SEM1: variants seen among roughly 807,000 people sequenced by gnomAD.
SEM1 encodes 26S proteasome complex subunit SEM1.
Under a neutral mutation model 12.7 loss-of-function variants are expected in SEM1, and 3 were observed. The observed-to-expected ratio is 0.24, with a 90% CI of 0.11 to 0.61. SEM1 has a LOEUF of 0.61. SEM1 is among the 20% of genes least tolerant of loss of function. SEM1 has a pLI of 0.88. For synonymous variants in SEM1, 30 were observed against 27.8 expected (o/e 1.08, Z -0.25); for missense variants, 59 against 81.3 (o/e 0.73, Z 1.06).
intron 2 of SEM1, among the ~76,000 whole-genome samples, chr7:96,570,592 C>T (rs1000202394): frequency 6.6e-6 from 1 of 152,098 alleles, no homozygotes; most frequent in Admixed American, 6.6e-5. Flanking sequence ...TCCAGTCTAT[C>T]GTTGATGGGC....
chr7:96,555,583 A>G (rs1277302567), intron 2 of SEM1, among the ~76,000 whole-genome samples: 72 of 138,802 alleles, frequency 5.2e-4, no homozygotes, highest in Non-Finnish European at 9.4e-4. Context: ...GTTCTTTTAC[A>G]TTTGCTGAGG....
At chr7:96,496,193 A>G in intron 1 of SEM1, 1 of 772,418 alleles carries the variant, frequency 1.3e-6, no homozygotes, top group Non-Finnish European at 2.1e-6. Context: ...AGTTAAAATC[A>G]TCGTCATAGT....
At chr7:96,612,520 A>G (rs1807570770) in intron 2 of SEM1, among the ~76,000 whole-genome samples, 1 of 152,188 alleles carries the variant, frequency 6.6e-6, no homozygotes, top group Non-Finnish European at 1.5e-5. Flanking sequence ...CATCAGAATA[A>G]CCTTGTAATT....
chr7:96,491,753 A>G (rs1043313083), intron 1 of SEM1, among the ~76,000 whole-genome samples: 13 of 152,232 alleles, frequency 8.5e-5, no homozygotes, highest in African/African-American at 2.9e-4. Flanking sequence ...CTGGCATGCA[A>G]GATGCACAGT....
At chr7:96,485,446 C>T (rs1243165526) in intron 2 of SEM1, among the ~76,000 whole-genome samples, 1 of 151,824 alleles carries the variant, frequency 6.6e-6, no homozygotes, top group Non-Finnish European at 1.5e-5. Context: ...CTCCTACTCA[C>T]TCTGAGCCTC....
chr7:96,665,724 C>T (rs1473939031), intron 2 of SEM1, among the ~76,000 whole-genome samples: 4 of 152,164 alleles, frequency 2.6e-5, no homozygotes, highest in Admixed American at 6.5e-5. Flanking sequence ...AGGTCTGGGT[C>T]CCATTCCTAG....
At chr7:96,563,979 T>A (rs1302811333) in intron 2 of SEM1, among the ~76,000 whole-genome samples, 1 of 152,110 alleles carries the variant, frequency 6.6e-6, no homozygotes, top group African/African-American at 2.4e-5. Context: ...CATACAGGTT[T>A]TATTAGCCTC....
intron 2 of SEM1, among the ~76,000 whole-genome samples, chr7:96,516,745 A>G (rs543327204): frequency 6.6e-6 from 1 of 152,322 alleles, no homozygotes; most frequent in African/African-American, 2.4e-5. Flanking sequence ...TATCTAAAGG[A>G]GTTGAAAACT....
intron 2 of SEM1, among the ~76,000 whole-genome samples, chr7:96,580,458 G>A (rs1351540192): frequency 6.6e-6 from 1 of 151,300 alleles, no homozygotes; most frequent in Non-Finnish European, 1.5e-5. Context: ...ATAGCAGCAT[G>A]ATTTATAGTC....
At chr7:96,527,973 T>C (rs1433082600) in intron 2 of SEM1, among the ~76,000 whole-genome samples, 1 of 152,168 alleles carries the variant, frequency 6.6e-6, no homozygotes, top group Non-Finnish European at 1.5e-5. Context: ...TAGGAATATG[T>C]ATGGTTCATG....
intron 2 of SEM1, among the ~76,000 whole-genome samples, chr7:96,610,015 A>G (rs144156262): frequency 1.3e-5 from 2 of 152,260 alleles, no homozygotes; most frequent in African/African-American, 4.8e-5. Context: ...CCAGTTAAAG[A>G]GCTTTCCCAG....
At chr7:96,590,936 A>C (rs534499579) in intron 2 of SEM1, among the ~76,000 whole-genome samples, 3 of 152,230 alleles carry the variant, frequency 2.0e-5, no homozygotes, top group Non-Finnish European at 4.4e-5. Flanking sequence ...ACCCCAAGCC[A>C]GTGGTGAAAA....
downstream of SEM1, chr7:96,672,942 T>C (rs1459148906): frequency 6.6e-6 from 1 of 152,188 alleles, no homozygotes; most frequent in Non-Finnish European, 1.5e-5. Flanking sequence ...TGTTTTTCTC[T>C]GTTTTATCAT....
intron 2 of SEM1, among the ~76,000 whole-genome samples, chr7:96,523,384 C>T (rs930860029): frequency 4.6e-5 from 7 of 151,890 alleles, no homozygotes; most frequent in African/African-American, 7.3e-5. Flanking sequence ...GAGTAAGAGG[C>T]GGGGCTTAGA....
At chr7:96,606,927 C>A (rs1807398334) in intron 2 of SEM1, among the ~76,000 whole-genome samples, 1 of 152,196 alleles carries the variant, frequency 6.6e-6, no homozygotes, top group Non-Finnish European at 1.5e-5. Flanking sequence ...TGTCACTGTA[C>A]AGAAGAGCTT....
intron 2 of SEM1, among the ~76,000 whole-genome samples, chr7:96,632,489 T>A (rs181073550): frequency 2.6e-5 from 4 of 151,848 alleles, no homozygotes; most frequent in Non-Finnish European, 4.4e-5. Flanking sequence ...CACTCATAAG[T>A]GGGAGCTGAA....
intron 2 of SEM1, among the ~76,000 whole-genome samples, chr7:96,557,017 C>T (rs1358763129): frequency 6.7e-6 from 1 of 149,312 alleles, no homozygotes; most frequent in Non-Finnish European, 1.5e-5. Flanking sequence ...TCACGTAGTT[C>T]TCGAGCCTTG....
intron 1 of SEM1, among the ~76,000 whole-genome samples, chr7:96,702,127 T>C (rs1790293162): frequency 1.3e-5 from 2 of 152,060 alleles, no homozygotes; most frequent in South Asian, 4.1e-4. Flanking sequence ...TTGAAGATAA[T>C]GGAAGCCAGG....
chr7:96,566,213 T>C (rs1438767672), intron 2 of SEM1, among the ~76,000 whole-genome samples: 1 of 151,670 alleles, frequency 6.6e-6, no homozygotes, highest in East Asian at 1.9e-4. Flanking sequence ...TCATCCTTGT[T>C]CCCTGGTTAC....
Sources: gnomAD v4.1 joint callset for allele counts (sites outside exome capture counted in the v4.1 genomes callset) on GRCh38, gnomAD v4.1.1 for gene constraint, MANE v1.5 for transcripts, NCBI Gene and HGNC (gene_info 2026-07-23, HGNC 2026-07-21) for gene names.